The following DNAH7 variants were observed in gnomAD, a reference collection of about 807,000 sequenced individuals.
The protein encoded by DNAH7 is axonemal beta dynein heavy chain 7.
DNAH7 carries 397 observed loss-of-function variants against 444.6 expected under a neutral mutation model. The ratio of observed to expected loss-of-function variants is 0.89; its 90% confidence interval spans 0.82 to 0.97. The LOEUF is 0.97. Ranked by LOEUF, DNAH7 falls within the 50% of genes least tolerant of loss-of-function variation. The pLI is 0.00. For synonymous variants in DNAH7, 1,636 were observed against 1,624.4 expected, an observed-to-expected ratio of 1.01 and a Z score of -0.17; for missense variants, 4,902 against 4,800.8, an observed-to-expected ratio of 1.02 and a Z score of -0.62.
Position 195,796,659 on chromosome 2 carries a change from C to A in DNAH7, c.10432G>T (p.Ala3478Ser), listed in dbSNP as rs772468247. The change falls in exon 56 of 65, where the codon GCT becomes TCT. Residue 3478 changes from alanine to serine, a missense_variant. Physicochemically the swap from Ala to Ser is moderately conservative, Grantham distance 99 (BLOSUM62 1). Coordinates refer to ENST00000312428, the MANE Select transcript of DNAH7 (RefSeq NM_018897.3). ...GPIAMKMLEK[A>S]VKEGTWVVLQ... ...ACAACCCATGTTCCTTCCTTGACAG[C>A]TTTTTCTAACATCTTCATAGCAATG... The A allele has an allele frequency of 9.9e-6, 16 of 1,614,168 alleles. No homozygotes were observed. The South Asian group carries it at 1.8e-4, about 18-fold the overall frequency.
At chr2:195,747,057 G>A (rs1693460589) in intron 63 of DNAH7, among the ~76,000 whole-genome samples, 1 of 152,166 alleles carries the variant, frequency 6.6e-6, no homozygotes, top group African/African-American at 2.4e-5. Flanking sequence ...ATGAATCCAG[G>A]AGCTGGTTTT....
Position 195,881,781 on chromosome 2 carries a change from T to A in DNAH7, c.5961+14A>T. 1 of 1,609,382 alleles carries A rather than the reference T, an allele frequency of 6.2e-7. No individual in the cohort carries two copies. The highest frequency in any genetic ancestry group is 8.5e-7 in the Non-Finnish European group (1 of 1,176,128). On this transcript the variant is annotated intron_variant, in intron 36 of 64. Transcript: ENST00000312428. ...TTATGCACAGTTTAATACGCAGATT[T>A]CTGCAGTACTTACCGTAATGTAAAC... is the stretch of plus-strand genomic sequence containing the variant.
chr2:195,863,261 T>C (rs1192756775), intron 41 of DNAH7, among the ~76,000 whole-genome samples: 10 of 152,222 alleles, frequency 6.6e-5, no homozygotes, highest in African/African-American at 2.2e-4. Flanking sequence ...GAAGTAGAGA[T>C]ACAGAGAGGT....
intron 47 of DNAH7, among the ~76,000 whole-genome samples, chr2:195,843,036 T>C (rs990090841): frequency 1.3e-5 from 2 of 152,128 alleles, no homozygotes; most frequent in African/African-American, 4.8e-5. Flanking sequence ...TTTTCTGAGA[T>C]AAAAACAATA....
At chr2:195,747,374 A>T (rs1485634216) in intron 63 of DNAH7, among the ~76,000 whole-genome samples, 1 of 152,242 alleles carries the variant, frequency 6.6e-6, no homozygotes, top group Non-Finnish European at 1.5e-5. Flanking sequence ...AGAGTCCAGG[A>T]CCAGACGGAT....
At chr2:195,994,168 G>T in intron 12 of DNAH7, 1 of 190,088 alleles carries the variant, frequency 5.3e-6, no homozygotes, top group Non-Finnish European at 1.1e-5. Flanking sequence ...AAGTAGGAAG[G>T]GACCACACTG....
chr2:195,909,939 C>A (rs1687255926), intron 25 of DNAH7, 88 bp downstream of exon 25: 1 of 1,310,038 alleles, frequency 7.6e-7, no homozygotes, highest in Non-Finnish European at 1.0e-6. Flanking sequence ...TACAGTAAAT[C>A]TTTTACTTGT....
Position 195,857,715 on chromosome 2 carries a change from T to G in DNAH7, c.8076A>C (p.Thr2692=), listed in dbSNP as rs1396946908. 3 of 1,578,878 alleles carry G rather than the reference T, an allele frequency of 1.9e-6. No individual in the cohort carries two copies. The highest frequency in any genetic ancestry group is 3.8e-5 in the Admixed American group (2 of 52,168). Residue 2692 remains threonine, a synonymous_variant, in exon 44 of 65, where the codon ACA becomes ACC. Transcript: ENST00000312428. ...ALDTLTAQDI[T]VVKSMKSPPA... ...GAGGACTCTTCATGGATTTTACCAC[T>G]GTAATATCCTTGAAATAACAACGTT... is the stretch of plus-strand genomic sequence containing the variant.
At chr2:195,948,857 G>C (rs1428921916) in intron 19 of DNAH7, among the ~76,000 whole-genome samples, 1 of 152,134 alleles carries the variant, frequency 6.6e-6, no homozygotes, top group Non-Finnish European at 1.5e-5. Flanking sequence ...GATGAAGATA[G>C]CACTGAATCT....
chr2:195,950,495 CTCTCT>C (rs1317426830), intron 19 of DNAH7, among the ~76,000 whole-genome samples: 2 of 151,890 alleles, frequency 1.3e-5, no homozygotes, highest in African/African-American at 4.8e-5. Flanking sequence ...TTTGATTCTT[CTCTCT>C]TTTCTTCTTC....
rs760922626 is a variant in DNAH7, at chr2:196,012,908, T to G, written c.870-2A>C. 2 of 1,479,678 alleles carry G rather than the reference T, an allele frequency of 1.4e-6. No individual in the cohort carries two copies. The highest frequency in any genetic ancestry group is 1.8e-4 in the Middle Eastern group (1 of 5,444). 91.7% of individuals were successfully genotyped at this position (1,479,678 alleles called of 1,614,324 possible). ...TTGATATCAACTAAACGTAATTTTC[T>G]GCAAAAGATAAAAATAAACAGTAAT... On this transcript the variant is annotated splice_acceptor_variant, in intron 9 of 64. Coordinates refer to ENST00000312428, the MANE Select transcript of DNAH7 (RefSeq NM_018897.3). LOFTEE classifies it high-confidence loss of function.
At chr2:195,973,347 G>C (rs1691973145) in intron 15 of DNAH7, among the ~76,000 whole-genome samples, 1 of 152,136 alleles carries the variant, frequency 6.6e-6, no homozygotes, top group Non-Finnish European at 1.5e-5. Flanking sequence ...TTGTTTTATG[G>C]GTGGGTATTG....
Position 195,909,030 on chromosome 2 carries a change from T to C in DNAH7, c.4104+997A>G, listed in dbSNP as rs538830353. Among the ~76,000 whole-genome samples the C allele has an allele frequency of 2.6e-5, 4 of 152,224 alleles. No homozygotes were observed. In the South Asian group the frequency reaches 8.3e-4, roughly 32 times the overall value. ...CATTCTAGAATTTTTAAAATGTGCT[T>C]TGCATGTACACGGACACAAAGAAAA... On this transcript the variant is annotated intron_variant, in intron 25 of 64. Coordinates refer to ENST00000312428, the MANE Select transcript of DNAH7 (RefSeq NM_018897.3).
chr2:195,939,587 C>CA (rs1285822297), intron 19 of DNAH7, among the ~76,000 whole-genome samples: 2 of 152,098 alleles, frequency 1.3e-5, no homozygotes, highest in Non-Finnish European at 2.9e-5. Flanking sequence ...ACTTCTTTGA[C>CA]ACTTTAATTA....
At chr2:195,848,250 C>T (rs1477784302) in intron 46 of DNAH7, among the ~76,000 whole-genome samples, 1 of 152,190 alleles carries the variant, frequency 6.6e-6, no homozygotes, top group Admixed American at 6.5e-5. Flanking sequence ...GAATTGATGA[C>T]ATTCATGACC....
rs1575098902 is a variant in DNAH7, at chr2:196,047,451, A to T, written c.299T>A (p.Val100Asp). Residue 100 changes from valine to aspartate, a missense_variant, in exon 5 of 65, where the codon GTT (valine) becomes GAT (aspartate). Transcript: ENST00000312428. Reference sequence around the variant, plus strand: ...AGATGGTCCAACATAACTATCATCAACTTGGTGGGGTAATTTGCCCTTTTT... The same window carrying T: ...AGATGGTCCAACATAACTATCATCATCTTGGTGGGGTAATTTGCCCTTTTT... ...FGKKGKLPHQVDDSYVGPSTS... is the reference protein window; with the variant it reads ...FGKKGKLPHQDDDSYVGPSTS... 1 of 1,603,204 alleles carries T rather than the reference A, an allele frequency of 6.2e-7. No individual in the cohort carries two copies. The highest frequency in any genetic ancestry group is 2.2e-5 in the East Asian group (1 of 44,668).
chr2:196,046,274 T>C (rs1559366510), intron 5 of DNAH7, among the ~76,000 whole-genome samples: 1 of 152,152 alleles, frequency 6.6e-6, no homozygotes, highest in Non-Finnish European at 1.5e-5. Context: ...AAGAAGATGA[T>C]GCCATAGGCC....
rs201036587 is a variant in DNAH7 at position 195,872,426 on chromosome 2, C to T, written c.6457G>A (p.Val2153Ile). 22 of 1,606,982 alleles carry T rather than the reference C, an allele frequency of 1.4e-5. No homozygotes were observed. The East Asian group carries it at 2.5e-4, about 18-fold the overall frequency. The change falls in exon 40 of 65, where the codon GTA (valine) becomes ATA (isoleucine). Residue 2153 changes from valine (V) to isoleucine (I), a missense_variant. By Grantham distance (29) the Val-to-Ile change is conservative (BLOSUM62 3). Coordinates refer to ENST00000312428, the MANE Select transcript of DNAH7 (RefSeq NM_018897.3). ...TTATACAGAGTCATTGTGCCATTTA[C>T]GATTTGTGTGGTCAAATCTAGAAAT... Reference protein sequence around the residue: ...DEFLDLTTQIVNGTMTLYKEA... With the variant: ...DEFLDLTTQIINGTMTLYKEA...
At chr2:195,937,304 T>C (rs950372128) in intron 19 of DNAH7, among the ~76,000 whole-genome samples, 1 of 152,162 alleles carries the variant, frequency 6.6e-6, no homozygotes, top group African/African-American at 2.4e-5. Flanking sequence ...TCTTACATTG[T>C]AAACAATGAC....
Sources: gnomAD v4.1 joint callset for allele counts (sites outside exome capture counted in the v4.1 genomes callset) on GRCh38, gnomAD v4.1.1 for gene constraint, MANE v1.5 for transcripts, NCBI Gene and HGNC (gene_info 2026-07-23, HGNC 2026-07-21) for gene names.